The following CDH4 variants were observed in gnomAD, a reference collection of about 807,000 sequenced individuals.
CDH4 encodes the protein cadherin 4, also known as cadherin-4.
Under a neutral mutation model 86.0 loss-of-function variants are expected in CDH4, and 33 were observed. The observed-to-expected ratio is 0.38, with a 90% CI of 0.29 to 0.51. The LOEUF is 0.51. Ranked by LOEUF, CDH4 falls within the 20% of genes least tolerant of loss-of-function variation. The pLI, the probability that CDH4 is intolerant of heterozygous loss-of-function variation, is 0.86. For missense variants in CDH4, 1,114 were observed against 1,307.4 expected, an observed-to-expected ratio of 0.85 and a Z score of 2.28; for synonymous variants, 555 against 549.4, an observed-to-expected ratio of 1.01 and a Z score of -0.14.
intron 2 of CDH4, among the ~76,000 whole-genome samples, chr20:61,296,492 G>C (rs923114035): frequency 3.9e-5 from 6 of 151,944 alleles, no homozygotes; most frequent in Non-Finnish European, 8.8e-5. Context: ...GAAAAAAAAT[G>C]CTTTAAAATT....
intron 2 of CDH4, among the ~76,000 whole-genome samples, chr20:61,491,325 T>C (rs749314132): frequency 2.0e-5 from 3 of 152,152 alleles, no homozygotes; most frequent in African/African-American, 4.8e-5. Flanking sequence ...GTTCTTAAGT[T>C]CATCACCTCC....
intron 2 of CDH4, among the ~76,000 whole-genome samples, chr20:61,589,965 G>C (rs1256422636): frequency 6.6e-6 from 1 of 152,126 alleles, no homozygotes; most frequent in Non-Finnish European, 1.5e-5. Flanking sequence ...CAGGAGGCCA[G>C]GGTCGGGAAG....
chr20:61,277,987 C>G (rs2123156496), intron 2 of CDH4, among the ~76,000 whole-genome samples: 1 of 152,346 alleles, frequency 6.6e-6, no homozygotes, highest in Admixed American at 6.5e-5. Context: ...ATCTCAGATT[C>G]AGAGCCTGCG....
intron 2 of CDH4, among the ~76,000 whole-genome samples, chr20:61,356,051 A>G (rs2123310459): frequency 6.6e-6 from 1 of 152,334 alleles, no homozygotes; most frequent in African/African-American, 2.4e-5. Context: ...TAGTATTTTC[A>G]GCAAATTGTC....
chr20:61,690,550 G>A (rs2087642034), intron 2 of CDH4, among the ~76,000 whole-genome samples: 1 of 152,154 alleles, frequency 6.6e-6, no homozygotes, highest in Non-Finnish European at 1.5e-5. Context: ...AGCATTCACT[G>A]TCTTTACTGA....
At chr20:61,586,027 GTGA>G (rs2086470293) in intron 2 of CDH4, among the ~76,000 whole-genome samples, 1 of 149,234 alleles carries the variant, frequency 6.7e-6, no homozygotes, top group South Asian at 2.2e-4. Flanking sequence ...GATGGTGATG[GTGA>G]TGATGTGGTG....
intron 2 of CDH4, among the ~76,000 whole-genome samples, chr20:61,503,928 A>T (rs1372153895): frequency 6.6e-6 from 1 of 152,168 alleles, no homozygotes; most frequent in Non-Finnish European, 1.5e-5. Context: ...GGCTCACCCA[A>T]ACAGGGAGAA....
intron 2 of CDH4, among the ~76,000 whole-genome samples, chr20:61,473,787 TCAGA>T (rs921778314): frequency 9.3e-5 from 14 of 151,216 alleles, no homozygotes; most frequent in African/African-American, 3.2e-4. Context: ...ACACACACAC[TCAGA>T]CACTCACAGA....
At chr20:61,804,973 C>T (rs1239550382) in intron 4 of CDH4, among the ~76,000 whole-genome samples, 1 of 152,234 alleles carries the variant, frequency 6.6e-6, no homozygotes, top group Non-Finnish European at 1.5e-5. Context: ...TTCCCCTCAT[C>T]CCGCAGACCT....
chr20:61,597,017 C>A (rs1399267878), intron 2 of CDH4, among the ~76,000 whole-genome samples: 1 of 152,184 alleles, frequency 6.6e-6, no homozygotes, highest in African/African-American at 2.4e-5. Flanking sequence ...CGATTAGTAA[C>A]AAGAGCCTTC....
At chr20:61,334,022 C>T (rs2084602298) in intron 2 of CDH4, among the ~76,000 whole-genome samples, 2 of 152,198 alleles carry the variant, frequency 1.3e-5, no homozygotes, top group Admixed American at 1.3e-4. Flanking sequence ...CCCTGTCCAT[C>T]CTGGGAGGTG....
Position 61,879,761 on chromosome 20 carries a change from C to T in CDH4, c.1050+5861C>T, listed in dbSNP as rs1427141224. ...TGAGAGTGGGCTCTGCAGACGCAGG[C>T]GCTGTTCCGATTGTTGGGCAGTGAA... On this transcript the variant is annotated intron_variant, in intron 7 of 15. Transcript: ENST00000614565. This position sits in a 1 kb window ranked among gnomAD's most constrained non-coding sequence, Gnocchi z 4.1. Among the ~76,000 whole-genome samples, 3 of 152,174 alleles carry T rather than the reference C, an allele frequency of 2.0e-5. No homozygotes were observed. The highest frequency in any genetic ancestry group is 2.9e-5 in the Non-Finnish European group (2 of 68,042).
Position 61,569,200 on chromosome 20 carries a change from G to A in CDH4, c.170-174363G>A, listed in dbSNP as rs150657247. 2.2e-3 allele frequency among the ~76,000 whole-genome samples: 342 copies of A among 152,146 alleles called. 1 individual carries two copies. Among genetic ancestry groups the A allele is most frequent in the Non-Finnish European group, 4.2e-3 (283 of 68,012 alleles). ...GGGCCTCATATTGCTCGCCTTCTGG[G>A]GTGGCCATGATGATTAACTGAGATG... On this transcript the variant is annotated intron_variant, in intron 2 of 15. Coordinates refer to ENST00000614565, the MANE Select transcript of CDH4 (RefSeq NM_001794.5).
At chr20:61,873,922 G>C (rs781111435) in intron 7 of CDH4, 22 bp downstream of exon 7, 2 of 1,609,124 alleles carry the variant, frequency 1.2e-6, no homozygotes, top group South Asian at 2.2e-5. Context: ...TGGGGTCTGC[G>C]TGCAGGCGGG....
intron 2 of CDH4, among the ~76,000 whole-genome samples, chr20:61,617,757 C>T (rs1169231628): frequency 1.3e-5 from 2 of 152,202 alleles, no homozygotes; most frequent in Non-Finnish European, 2.9e-5. Context: ...AACAGGTGCA[C>T]TGTCACCCCA....
At chr20:61,270,090 CA>C (rs1179172394) in intron 2 of CDH4, among the ~76,000 whole-genome samples, 1 of 152,186 alleles carries the variant, frequency 6.6e-6, no homozygotes, top group Admixed American at 6.5e-5. Context: ...GATCTTTTGG[CA>C]AAAGGCAGGC....
chr20:61,463,128 T>G (rs889602820), intron 2 of CDH4, among the ~76,000 whole-genome samples: 4 of 152,332 alleles, frequency 2.6e-5, no homozygotes, highest in African/African-American at 9.6e-5. Flanking sequence ...TGCTGCCATG[T>G]AAGATGTGCC....
In CDH4 at chr20:61,376,735, C is replaced by A. The variant is rs528032052; in HGVS notation, c.169+121798C>A. On this transcript the variant is annotated intron_variant, in intron 2 of 15. Transcript: ENST00000614565. ...TTTCCCATCTGTCTCAGCACAGACC[C>A]CCAGGCAAGCCCTGGAAGGTGGGTG... 4.6e-5 allele frequency among the ~76,000 whole-genome samples: 7 copies of A among 152,326 alleles called. No individual in the cohort carries two copies. The South Asian group carries it at 1.5e-3, about 32-fold the overall frequency.
At chr20:61,700,783 C>A (rs1313186501) in intron 2 of CDH4, among the ~76,000 whole-genome samples, 1 of 152,240 alleles carries the variant, frequency 6.6e-6, no homozygotes, top group Admixed American at 6.5e-5. Flanking sequence ...GTCTTCATGG[C>A]CCAGGCCTGG....
Sources: gnomAD v4.1 joint callset for allele counts (sites outside exome capture counted in the v4.1 genomes callset) on GRCh38, gnomAD v4.1.1 for gene constraint, Gnocchi (gnomAD v3.1) non-coding constraint, MANE v1.5 for transcripts, NCBI Gene and HGNC (gene_info 2026-07-23, HGNC 2026-07-21) for gene names.